Variants in TOMM34 observed in about 807,000 individuals in gnomAD.
TOMM34 encodes translocase of outer mitochondrial membrane 34, also known as mitochondrial import receptor subunit TOM34.
TOMM34 carries 24 observed loss-of-function variants against 37.4 expected under a neutral mutation model. The observed-to-expected ratio is 0.64, with a 90% CI of 0.46 to 0.90. The LOEUF is 0.90. Among genes scored for constraint, TOMM34 ranks in the 40% least tolerant of loss-of-function variants. The pLI, the probability that TOMM34 is intolerant of heterozygous loss-of-function variation, is 0.00. For missense variants in TOMM34, 304 were observed against 375.6 expected (o/e 0.81, Z 1.58); for synonymous variants, 154 against 148.9 (o/e 1.03, Z -0.25).
At chr20:44,948,343 C>CA (rs1241762253) in intron 5 of TOMM34, among the ~76,000 whole-genome samples, 1 of 152,226 alleles carries the variant, frequency 6.6e-6, no homozygotes, top group African/African-American at 2.4e-5. Flanking sequence ...CCAGTACTCT[C>CA]AGACAGAAAT....
chr20:44,956,322 C>T, intron 2 of TOMM34, 64 bp downstream of exon 2: 2 of 1,490,478 alleles, frequency 1.3e-6, no homozygotes, highest in Non-Finnish European at 1.9e-6. Flanking sequence ...AGAAACAAGC[C>T]AGATTAACCC....
At chr20:44,954,079 T>C (rs1472394540) in intron 3 of TOMM34, among the ~76,000 whole-genome samples, 1 of 152,040 alleles carries the variant, frequency 6.6e-6, no homozygotes, top group Non-Finnish European at 1.5e-5. Context: ...CACACGCTGC[T>C]CTGTCTTCTG....
intron 5 of TOMM34, 57 bp downstream of exon 5, chr20:44,948,673 A>G: frequency 6.3e-7 from 1 of 1,598,792 alleles, no homozygotes; most frequent in African/African-American, 1.3e-5. Flanking sequence ...AGTCCAAGAG[A>G]AGACTATGGA....
rs1279880342 is a variant in TOMM34, at chr20:44,943,433, T to C, written c.825+20A>G. 7.4e-6 allele frequency: 12 copies of C among 1,614,008 alleles called. No individual in the cohort carries two copies. Among genetic ancestry groups the C allele is most frequent in the African/African-American group, 1.3e-5 (1 of 74,912 alleles). On this transcript the variant is annotated intron_variant, in intron 6 of 6. Transcript: ENST00000372813. ...TCTCTGTAGCTATGTTGGGACCTTT[T>C]GGCCAGGATTTTTTTTTACCTTGAG...
In TOMM34 at chr20:44,943,492, C is replaced by T. The variant is rs190808789; in HGVS notation, c.786G>A (p.Lys262=). ...EALKLDGKNV[K]AFYRRAQAHK... is the part of the protein sequence containing the mutation. ...GGGCTTGAGCCCGTCTGTAGAATGC[C>T]TTCACGTTCTTTCCATCCAGCTTGA... Residue 262 remains lysine, a synonymous_variant, in exon 6 of 7, where the codon AAG becomes AAA. Coordinates refer to ENST00000372813, the MANE Select transcript of TOMM34 (RefSeq NM_006809.5). The T allele has an allele frequency of 4.3e-6, 7 of 1,614,056 alleles. No individual in the cohort carries two copies. Among genetic ancestry groups the T allele is most frequent in the Admixed American group, 1.7e-5 (1 of 60,018 alleles).
intron 3 of TOMM34, chr20:44,952,529 G>T: frequency 1.4e-6 from 1 of 710,644 alleles, no homozygotes; most frequent in South Asian, 1.5e-5. Flanking sequence ...ATTCTCTTCT[G>T]ATCCTTCTGT....
At position 44,956,588 on chromosome 20, in the gene TOMM34, A is replaced by C. The variant is rs572109856; in HGVS notation, c.128-103T>G. 1.0e-4 allele frequency: 110 copies of C among 1,083,952 alleles called. No individual in the cohort carries two copies. The African/African-American group carries it at 1.7e-3, about 17-fold the overall frequency. 67.1% of individuals were successfully genotyped at this position (1,083,952 alleles called of 1,614,324 possible). On this transcript the variant is annotated intron_variant, in intron 1 of 6. Coordinates refer to ENST00000372813, the MANE Select transcript of TOMM34 (RefSeq NM_006809.5). The stretch of plus-strand genomic sequence containing the variant: ...AGCTCTTTGGGCCTTGTGTTAAGGC[A>C]GTAGAGATAACTATAACCTGTTCAG...
intron 4 of TOMM34, among the ~76,000 whole-genome samples, chr20:44,949,562 G>A (rs1416959580): frequency 6.6e-6 from 1 of 152,146 alleles, no homozygotes; most frequent in Non-Finnish European, 1.5e-5. Flanking sequence ...GCCCTTCACT[G>A]CTTGGCCCCA....
At chr20:44,956,608 G>A (rs2067075522) in intron 1 of TOMM34, 123 bp from the exon 2 acceptor site, 2 of 823,434 alleles carry the variant, frequency 2.4e-6, no homozygotes, top group African/African-American at 1.7e-5. Context: ...ACTATAACCT[G>A]TTCAGGCTTG....
At chr20:44,948,948 G>A (rs759014486) in intron 4 of TOMM34, 71 bp from the exon 5 acceptor site, 82 of 1,551,446 alleles carry the variant, frequency 5.3e-5, no homozygotes, top group Middle Eastern at 1.8e-4. Flanking sequence ...GGTCTCTTCA[G>A]CATCGTCCCT....
chr20:44,946,432 A>G (rs1366260182), intron 5 of TOMM34, among the ~76,000 whole-genome samples: 1 of 152,226 alleles, frequency 6.6e-6, no homozygotes, highest in East Asian at 1.9e-4. Flanking sequence ...AAATAACACA[A>G]GTGAGTGAAA....
intron 6 of TOMM34, 63 bp from the exon 7 acceptor site, chr20:44,943,276 G>A: frequency 6.2e-7 from 1 of 1,600,890 alleles, no homozygotes; most frequent in African/African-American, 1.3e-5. Context: ...GATAGCTGCT[G>A]AGGCAGCAAA....
At chr20:44,952,061 C>G in intron 3 of TOMM34, 59 bp from the exon 4 acceptor site, 1 of 1,555,302 alleles carries the variant, frequency 6.4e-7, no homozygotes, top group East Asian at 2.3e-5. Flanking sequence ...GATATTTCTC[C>G]TTTCACACAC....
At chr20:44,960,105 G>T in intron 1 of TOMM34, 102 bp downstream of exon 1, 1 of 1,441,288 alleles carries the variant, frequency 6.9e-7, no homozygotes. Flanking sequence ...CTGGAAGGGT[G>T]GGAGGGCCGG....
rs2067001494 is a variant in TOMM34 at position 44,948,733 on chromosome 20, T to C, written c.695A>G (p.Asn232Ser). ...CCAGCAGCTGTATAGGAGATACCTG[T>C]TGCTGTACGTGGCAGATTCCAGGTT... is the stretch of plus-strand genomic sequence containing the variant. ...CSNLESATYS[N>S]RALCYLVLKQ... is the part of the protein sequence containing the mutation. The change falls in exon 5 of 7, where the codon AAC becomes AGC. Residue 232 changes from asparagine to serine, a missense_variant. Coordinates refer to ENST00000372813, the MANE Select transcript of TOMM34 (RefSeq NM_006809.5). The C allele has an allele frequency of 6.2e-7, 1 of 1,614,052 alleles. No homozygotes were observed. Among genetic ancestry groups the C allele is most frequent in the Non-Finnish European group, 8.5e-7 (1 of 1,179,998 alleles).
At chr20:44,959,586 C>T (rs1474896607) in intron 1 of TOMM34, among the ~76,000 whole-genome samples, 1 of 152,118 alleles carries the variant, frequency 6.6e-6, no homozygotes, top group South Asian at 2.1e-4. Context: ...ATGCTTTGAC[C>T]CCTGAAACAC....
chr20:44,955,187 G>A lies in TOMM34; in HGVS notation c.261C>T (p.Pro87=), dbSNP rs1394222126. 1.9e-6 allele frequency: 3 copies of A among 1,614,084 alleles called. No individual in the cohort carries two copies. In the African/African-American group the frequency reaches 4.0e-5, roughly 22 times the overall value. The change falls in exon 3 of 7, where the codon CCC becomes CCT. Residue 87 remains proline (P), a synonymous_variant. Transcript: ENST00000372813. The stretch of plus-strand genomic sequence containing the variant: ...CATAAGCAGATGCTCGCCGCAGCAG[G>A]GGCTTAATGCTGAAGGGAACCAAGG... The part of the protein sequence containing the change: ...ALALVPFSIK[P]LLRRASAYEA...
At chr20:44,956,062 G>A (rs1220607209) in intron 2 of TOMM34, among the ~76,000 whole-genome samples, 1 of 151,880 alleles carries the variant, frequency 6.6e-6, no homozygotes, top group Non-Finnish European at 1.5e-5. Flanking sequence ...TCCCAGAAAA[G>A]CACCTGGGCA....
intron 3 of TOMM34, among the ~76,000 whole-genome samples, chr20:44,953,827 C>A (rs557609277): frequency 2.6e-5 from 4 of 152,338 alleles, no homozygotes; most frequent in Middle Eastern, 3.4e-3. Context: ...TGTTGCCCTT[C>A]ATATCATCCC....
Sources: gnomAD v4.1 joint callset for allele counts (sites outside exome capture counted in the v4.1 genomes callset) on GRCh38, gnomAD v4.1.1 for gene constraint, MANE v1.5 for transcripts, NCBI Gene and HGNC (gene_info 2026-07-23, HGNC 2026-07-21) for gene names.